The following JMJD1C variants were observed in gnomAD, a reference collection of about 807,000 sequenced individuals.
JMJD1C encodes the protein jumonji domain containing 1C, also known as jumonji domain-containing protein 1C.
In JMJD1C, 31 loss-of-function variants were observed where a neutral mutation model predicts 245.3. The ratio of observed to expected loss-of-function variants is 0.13; its 90% confidence interval spans 0.09 to 0.17. The LOEUF (loss-of-function observed/expected upper bound fraction) is 0.17. JMJD1C is among the 10% of genes least tolerant of loss of function. JMJD1C has a pLI of 1.00. For missense variants in JMJD1C, 2,691 were observed against 3,000.2 expected (o/e 0.90, Z 2.41); for synonymous variants, 1,057 against 1,017.4 (o/e 1.04, Z -0.74).
At chr10:63,468,050 G>A (rs553980689), upstream of JMJD1C, among the ~76,000 whole-genome samples, 30 of 152,174 alleles carry the variant, frequency 2.0e-4, no homozygotes, top group African/African-American at 7.0e-4. Flanking sequence ...CTCTAAATGG[G>A]CCCCTGGGAA....
chr10:63,226,087 G>A (rs113328993), intron 3 of JMJD1C, among the ~76,000 whole-genome samples: 1 of 146,894 alleles, frequency 6.8e-6, no homozygotes, highest in Non-Finnish European at 1.5e-5. Flanking sequence ...TTCTTTATAT[G>A]TAAGGGGTAA....
chr10:63,286,026 G>C (rs1358933314), intron 2 of JMJD1C, among the ~76,000 whole-genome samples: 1 of 37,828 alleles, frequency 2.6e-5, no homozygotes, highest in African/African-American at 3.2e-4. Context: ...CTCCAAACCA[G>C]ATTTACTGAA....
chr10:63,310,488 T>C (rs149811914), intron 2 of JMJD1C, among the ~76,000 whole-genome samples: 493 of 152,310 alleles, frequency 3.2e-3, no homozygotes, highest in Middle Eastern at 0.014. Context: ...TAAAAGAAGA[T>C]GCTACTTAAA....
intron 22 of JMJD1C, among the ~76,000 whole-genome samples, chr10:63,182,045 T>C (rs1843555065): frequency 1.3e-5 from 2 of 152,216 alleles, no homozygotes; most frequent in Admixed American, 1.3e-4. Flanking sequence ...TTAGGTTGTG[T>C]ATTATAAAAT....
chr10:63,241,834 C>G (rs1851518729), intron 3 of JMJD1C, among the ~76,000 whole-genome samples: 1 of 152,088 alleles, frequency 6.6e-6, no homozygotes, highest in Non-Finnish European at 1.5e-5. Flanking sequence ...CATGGCTGTA[C>G]CCTAAATACC....
chr10:63,440,744 T>C (rs1443023618), intron 1 of JMJD1C, among the ~76,000 whole-genome samples: 2 of 152,212 alleles, frequency 1.3e-5, no homozygotes, highest in African/African-American at 4.8e-5. Context: ...TGACCTTTAT[T>C]ACTGTACTGT....
At chr10:63,484,279 A>G (rs930197099) in intron 1 of JMJD1C, among the ~76,000 whole-genome samples, 2 of 151,500 alleles carry the variant, frequency 1.3e-5, no homozygotes, top group Non-Finnish European at 2.9e-5. Flanking sequence ...GATAAGATAG[A>G]TAGATAAGAC....
At chr10:63,378,237 C>T (rs1182964427) in intron 2 of JMJD1C, among the ~76,000 whole-genome samples, 1 of 152,016 alleles carries the variant, frequency 6.6e-6, no homozygotes, top group Non-Finnish European at 1.5e-5. Context: ...AAAATTCTCT[C>T]TAAAATCAGT....
chr10:63,264,852 T>C, intron 2 of JMJD1C, 88 bp from the exon 3 acceptor site: 1 of 665,936 alleles, frequency 1.5e-6, no homozygotes, highest in Non-Finnish European at 2.7e-6. Flanking sequence ...AATGTATCAA[T>C]GTCATTATCA....
At chr10:63,505,985 T>G (rs1314317324) in intron 1 of JMJD1C, among the ~76,000 whole-genome samples, 1 of 152,134 alleles carries the variant, frequency 6.6e-6, no homozygotes, top group African/African-American at 2.4e-5. Flanking sequence ...AACTTACTGG[T>G]ATCCACACAT....
chr10:63,330,170 G>A (rs1238480322), intron 2 of JMJD1C, among the ~76,000 whole-genome samples: 1 of 152,186 alleles, frequency 6.6e-6, no homozygotes, highest in Non-Finnish European at 1.5e-5. Flanking sequence ...CCAAAGTGCT[G>A]GGACTACAGG....
intron 18 of JMJD1C, among the ~76,000 whole-genome samples, chr10:63,188,463 T>C (rs1844386796): frequency 6.6e-6 from 1 of 152,248 alleles, no homozygotes; most frequent in Non-Finnish European, 1.5e-5. Context: ...TACTCATTTT[T>C]ATATATTCTT....
rs538084239 is a variant in JMJD1C, at chr10:63,314,097, T to G, written c.334-49333A>C. Among the ~76,000 whole-genome samples, 4 of 152,350 alleles carry G rather than the reference T, an allele frequency of 2.6e-5. No homozygotes were observed. The East Asian group carries it at 7.7e-4, about 29-fold the overall frequency. ...GATCTACTTTGAGTTGATTTTTGTA[T>G]AAGGTGAGAGACGAGGATCCAGTTT... is the stretch of plus-strand genomic sequence containing the variant. On this transcript the variant is annotated intron_variant, in intron 2 of 25. Coordinates refer to ENST00000399262, the MANE Select transcript of JMJD1C (RefSeq NM_032776.3).
chr10:63,438,825 C>T (rs1951203108), intron 1 of JMJD1C, among the ~76,000 whole-genome samples: 1 of 152,218 alleles, frequency 6.6e-6, no homozygotes, highest in African/African-American at 2.4e-5. Context: ...GAGAGGCATT[C>T]TCTGGCTCCC....
chr10:63,421,722 G>A (rs1950138330), intron 1 of JMJD1C, among the ~76,000 whole-genome samples: 1 of 152,172 alleles, frequency 6.6e-6, no homozygotes, highest in Non-Finnish European at 1.5e-5. Context: ...AGTGAAATCT[G>A]ATTAAGACTG....
At chr10:63,292,688 T>C (rs897310290) in intron 2 of JMJD1C, among the ~76,000 whole-genome samples, 1 of 152,126 alleles carries the variant, frequency 6.6e-6, no homozygotes, top group Admixed American at 6.6e-5. Context: ...ATCCACTTCG[T>C]CCATAGTCCC....
chr10:63,231,984 C>T (rs1204529194), intron 3 of JMJD1C, among the ~76,000 whole-genome samples: 1 of 151,954 alleles, frequency 6.6e-6, no homozygotes, highest in Non-Finnish European at 1.5e-5. Flanking sequence ...ATTACAGGCA[C>T]TGCCACCATG....
Position 63,319,232 on chromosome 10 carries a change from G to T in JMJD1C, c.334-54468C>A, listed in dbSNP as rs1305128915. On this transcript the variant is annotated intron_variant, in intron 2 of 25. Coordinates refer to ENST00000399262, the MANE Select transcript of JMJD1C (RefSeq NM_032776.3). The stretch of plus-strand genomic sequence containing the variant: ...AGACTGCGCCACTGCACTCCAGCCT[G>T]GGCGACAGAGCGAGACTCCATCTAA... Among the ~76,000 whole-genome samples, 3 of 146,090 alleles carry T rather than the reference G, an allele frequency of 2.1e-5. No homozygotes were observed. In the South Asian group the frequency reaches 6.4e-4, roughly 31 times the overall value.
In JMJD1C at chr10:63,380,335, T is replaced by C; in HGVS notation, c.316A>G (p.Ile106Val). ...SQTQGSKSKQ[I>V]QWPALTFKPL... is the part of the protein sequence containing the mutation. ...GATCTTACCAATGCAGGCCACTGAA[T>C]CTGTTTGCTCTTTGATCCCTGAGTC... Residue 106 changes from isoleucine (I) to valine (V), a missense_variant, in exon 2 of 26, where the codon ATT becomes GTT. By Grantham distance (29) the Ile-to-Val change is conservative (BLOSUM62 3). Transcript: ENST00000399262. The C allele has an allele frequency of 1.2e-6, 2 of 1,614,052 alleles. No individual in the cohort carries two copies. Among genetic ancestry groups the C allele is most frequent in the Non-Finnish European group, 1.7e-6 (2 of 1,179,952 alleles).
Sources: allele counts gnomAD v4.1 joint callset (sites outside exome capture counted in the v4.1 genomes callset), GRCh38; gene constraint gnomAD v4.1.1; transcripts MANE v1.5; gene names NCBI Gene and HGNC (gene_info 2026-07-23, HGNC 2026-07-21).